Variants in MCRS1 observed in about 807,000 individuals in gnomAD.
The protein encoded by MCRS1 is 58 kDa microspherule protein.
MCRS1 carries 22 observed loss-of-function variants against 62.9 expected under a neutral mutation model. The observed-to-expected ratio is 0.35, with a 90% CI of 0.25 to 0.50. The LOEUF is 0.50. Ranked by LOEUF, MCRS1 falls within the 20% of genes least tolerant of loss-of-function variation. MCRS1 has a pLI of 0.98. For missense variants in MCRS1, 456 were observed against 601.1 expected (o/e 0.76, Z 2.52); for synonymous variants, 244 against 233.5 (o/e 1.04, Z -0.41).
chr12:49,561,770 A>G (rs1394485170), intron 8 of MCRS1, among the ~76,000 whole-genome samples: 2 of 152,172 alleles, frequency 1.3e-5, no homozygotes, highest in Non-Finnish European at 2.9e-5. Flanking sequence ...CTGGGATTAC[A>G]GGCGTGTGCC....
At chr12:49,563,633 C>G in intron 6 of MCRS1, 87 bp from the exon 7 acceptor site, 1 of 980,750 alleles carries the variant, frequency 1.0e-6, no homozygotes. Context: ...AACCTACAGG[C>G]TTTTGAGATC....
intron 6 of MCRS1, among the ~76,000 whole-genome samples, 174 bp downstream of exon 6, chr12:49,564,307 G>C (rs915093788): frequency 2.0e-5 from 3 of 152,200 alleles, no homozygotes; most frequent in Admixed American, 6.5e-5. Flanking sequence ...CTTGCCTGGA[G>C]GCAGGAAGAA....
rs749863500 is a variant in MCRS1 at position 49,566,771 on chromosome 12, G to C, written c.-40C>G. On this transcript the variant is annotated 5_prime_UTR_variant, in exon 2 of 15. Transcript: ENST00000343810. The stretch of plus-strand genomic sequence containing the variant: ...AAAGCCACTGGTTCCAAACCACCGG[G>C]CTAGGAGGAACGGTCCCACAGGCTC... 6.2e-7 allele frequency: 1 copy of C among 1,610,606 alleles called. No individual in the cohort carries two copies. The highest frequency in any genetic ancestry group is 1.1e-5 in the South Asian group (1 of 90,352).
At position 49,564,486 on chromosome 12, in the gene MCRS1, G is replaced by A. The variant is rs541272412; in HGVS notation, c.552C>T (p.Ile184=). The change falls in exon 6 of 15, where the codon ATC becomes ATT. Residue 184 remains isoleucine (I), a synonymous_variant. Coordinates refer to ENST00000343810, the MANE Select transcript of MCRS1 (RefSeq NM_006337.5). The part of the protein sequence containing the change: ...RWYALLYDPV[I]SKLACQAMRQ... ...TGGAACCAGCTCCCACTCACTTGGA[G>A]ATGACAGGATCGTAGAGCAGGGCGT... is the stretch of plus-strand genomic sequence containing the variant. 5.1e-5 allele frequency: 83 copies of A among 1,611,924 alleles called. 1 individual carries two copies. In the South Asian group the frequency reaches 8.5e-4, roughly 16 times the overall value.
chr12:49,560,177 C>A (rs903166909), intron 9 of MCRS1, 118 bp downstream of exon 9: 228 of 1,268,286 alleles, frequency 1.8e-4, no homozygotes, highest in Non-Finnish European at 2.5e-4. Context: ...GGGGGCTCAG[C>A]CAGGGGGGGC....
At chr12:49,566,538 AGAGC>A in intron 2 of MCRS1, 180 bp downstream of exon 2, 1 of 1,494,788 alleles carries the variant, frequency 6.7e-7, no homozygotes. Flanking sequence ...GCCGTGCTAA[AGAGC>A]AGCAGCTCAA....
Position 49,566,100 on chromosome 12 carries a change from G to T in MCRS1, c.126C>A (p.Ile42=), listed in dbSNP as rs567679605. 35 of 1,614,194 alleles carry T rather than the reference G, an allele frequency of 2.2e-5. No individual in the cohort carries two copies. In the East Asian group the frequency reaches 6.5e-4, roughly 30 times the overall value. ...KRASSQALGT[I]PKRRSSSRFI... is the part of the protein sequence containing the mutation. ...ACCTGGAGGAGCTTCTCCGTTTAGG[G>T]ATGGTGCCCAAGGCCTGGGAGGAGG... Residue 42 remains isoleucine, a synonymous_variant, in exon 3 of 15, where the codon ATC becomes ATA. Transcript: ENST00000343810.
chr12:49,560,439 A>G, intron 8 of MCRS1, 69 bp from the exon 9 acceptor site: 1 of 1,432,918 alleles, frequency 7.0e-7, no homozygotes, highest in Non-Finnish European at 9.8e-7. Flanking sequence ...CGGACCACTA[A>G]GCCAAGTGGA....
rs1565788215 is a variant in MCRS1, at chr12:49,559,845, G to A, written c.911-24C>T. 2 of 1,614,198 alleles carry A rather than the reference G, an allele frequency of 1.2e-6. No homozygotes were observed. Among genetic ancestry groups the A allele is most frequent in the Non-Finnish European group, 1.7e-6 (2 of 1,180,006 alleles). ...CTCTGGGGTGAGGTGGGGTGGTAAGGAGGGATGCTCTGAGGCCACCAGCAC... is the reference window on the plus strand; with the variant it reads ...CTCTGGGGTGAGGTGGGGTGGTAAGAAGGGATGCTCTGAGGCCACCAGCAC... On this transcript the variant is annotated intron_variant, in intron 10 of 14. Coordinates refer to ENST00000343810, the MANE Select transcript of MCRS1 (RefSeq NM_006337.5). The surrounding 1 kb of genome is among the most constrained non-coding windows in gnomAD (Gnocchi z 5.2).
Position 49,558,664 on chromosome 12 carries a change from A to T in MCRS1, c.1368T>A (p.Ala456=), listed in dbSNP as rs760953893. The change falls in exon 15 of 15, where the codon GCT becomes GCA. Residue 456 remains alanine (A), a synonymous_variant. Coordinates refer to ENST00000343810, the MANE Select transcript of MCRS1 (RefSeq NM_006337.5). ...QDLIALIRAE[A]AKITPQ ...CTCCTCACTGTGGTGTGATCTTGGC[A>T]GCCTCAGCCCTGATGAGGGCAATGA... 3 of 1,613,630 alleles carry T rather than the reference A, an allele frequency of 1.9e-6. No homozygotes were observed. In the Middle Eastern group the frequency reaches 5.0e-4, roughly 269 times the overall value.
At chr12:49,562,917 T>C in intron 8 of MCRS1, 84 bp downstream of exon 8, 1 of 1,474,130 alleles carries the variant, frequency 6.8e-7, no homozygotes, top group Non-Finnish European at 9.1e-7. Flanking sequence ...ACAGGGCACT[T>C]GAAGGCAGCT....
At chr12:49,560,070 G>A in intron 9 of MCRS1, 103 bp from the exon 10 acceptor site, 2 of 1,487,122 alleles carry the variant, frequency 1.3e-6, no homozygotes, top group Non-Finnish European at 1.9e-6. Flanking sequence ...TGGCCTGGAA[G>A]GTGGTACATC....
intron 6 of MCRS1, among the ~76,000 whole-genome samples, 183 bp downstream of exon 6, chr12:49,564,298 T>C (rs1481276066): frequency 6.6e-6 from 1 of 152,222 alleles, no homozygotes; most frequent in Non-Finnish European, 1.5e-5. Context: ...GCAGACTCCC[T>C]TGCCTGGAGG....
chr12:49,563,820 G>A (rs1344558056), intron 6 of MCRS1, among the ~76,000 whole-genome samples: 1 of 152,148 alleles, frequency 6.6e-6, no homozygotes, highest in Non-Finnish European at 1.5e-5. Context: ...CTCCCTCCAA[G>A]TCCTTCCTCC....
rs1938964576 is a variant in MCRS1, at chr12:49,564,776, C to T, written c.408G>A (p.Lys136=). The T allele has an allele frequency of 6.2e-7, 1 of 1,613,620 alleles. No homozygotes were observed. ...TTATGAGCAGGAGGTCATCTGCAGG[C>T]TTCCAGCGGCCCAGATCCTTGGTCA... ...LQVTKDLGRW[K]PADDLLLINA... Residue 136 remains lysine, a synonymous_variant, in exon 5 of 15, where the codon AAG becomes AAA. Transcript: ENST00000343810.
At chr12:49,561,156 C>G (rs1305614880) in intron 8 of MCRS1, among the ~76,000 whole-genome samples, 1 of 152,120 alleles carries the variant, frequency 6.6e-6, no homozygotes, top group African/African-American at 2.4e-5. Context: ...GCTGAGAATT[C>G]AAGTTCAGCT....
intron 8 of MCRS1, among the ~76,000 whole-genome samples, chr12:49,562,049 AGGAATAAAGAGGGCTGCCCCC>A (rs1938797618): frequency 6.6e-6 from 1 of 152,208 alleles, no homozygotes. Flanking sequence ...TGGAAGCCGC[AGGAATAAAGAGGGCTGCCCCC>A]GGGCCACTAA....
At chr12:49,563,356 G>C (rs1349182988) in intron 7 of MCRS1, 82 bp downstream of exon 7, 2 of 1,418,310 alleles carry the variant, frequency 1.4e-6, no homozygotes, top group African/African-American at 1.4e-5. Context: ...AGTGGGTGGG[G>C]AGCTCTCCAC....
chr12:49,564,418 G>A lies in MCRS1; in HGVS notation c.557+63C>T. ...CTGGGGCCCTGGTACAATTCCCTCT[G>A]CTCCAGGACCCAAATTCTGGTGTCC... On this transcript the variant is annotated intron_variant, in intron 6 of 14. Coordinates refer to ENST00000343810, the MANE Select transcript of MCRS1 (RefSeq NM_006337.5). 3 of 1,407,950 alleles carry A rather than the reference G, an allele frequency of 2.1e-6. No homozygotes were observed. The South Asian group carries it at 3.7e-5, about 18-fold the overall frequency. 87.2% of individuals were successfully genotyped at this position (1,407,950 alleles called of 1,614,324 possible). A position where few individuals can be genotyped will look rare whatever the true frequency, so the allele number is the denominator to read the frequency against.
Sources: allele counts gnomAD v4.1 joint callset (sites outside exome capture counted in the v4.1 genomes callset), GRCh38; gene constraint gnomAD v4.1.1; non-coding constraint Gnocchi (gnomAD v3.1); transcripts MANE v1.5; gene names NCBI Gene and HGNC (gene_info 2026-07-23, HGNC 2026-07-21).